The following EVA1C variants were observed in gnomAD, a reference collection of about 807,000 sequenced individuals.
The protein encoded by EVA1C is eva-1 homolog C.
EVA1C carries 25 observed loss-of-function variants against 45.4 expected under a neutral mutation model. That is an observed-to-expected ratio of 0.55 (90% CI 0.40 to 0.77). The LOEUF (loss-of-function observed/expected upper bound fraction) is 0.77. EVA1C is among the 30% of genes least tolerant of loss of function. The pLI, the probability that EVA1C is intolerant of heterozygous loss-of-function variation, is 0.00. For missense variants in EVA1C, 479 were observed against 554.8 expected (o/e 0.86, Z 1.37); for synonymous variants, 190 against 221.2 (o/e 0.86, Z 1.25).
chr21:32,487,954 G>C (rs2037028388), intron 4 of EVA1C, among the ~76,000 whole-genome samples: 2 of 152,154 alleles, frequency 1.3e-5, no homozygotes, highest in Non-Finnish European at 2.9e-5. Context: ...AGAGGCCCAG[G>C]CTTGCGATTG....
At chr21:32,510,607 C>A (rs772032396) in intron 7 of EVA1C, among the ~76,000 whole-genome samples, 1 of 152,162 alleles carries the variant, frequency 6.6e-6, no homozygotes, top group Non-Finnish European at 1.5e-5. Context: ...CTAGAAAAGG[C>A]GGGCAAGAGA....
At chr21:32,457,377 G>T (rs1211172850) in intron 2 of EVA1C, among the ~76,000 whole-genome samples, 1 of 152,220 alleles carries the variant, frequency 6.6e-6, no homozygotes, top group Non-Finnish European at 1.5e-5. Flanking sequence ...AGTTTTCCCA[G>T]GAGCCTGGCA....
chr21:32,460,725 T>G (rs2035965804), intron 3 of EVA1C, among the ~76,000 whole-genome samples: 1 of 151,770 alleles, frequency 6.6e-6, no homozygotes, highest in African/African-American at 2.4e-5. Flanking sequence ...GGAGAGGCAC[T>G]TGGTACTACG....
rs1029425402 is a variant in EVA1C at position 32,452,223 on chromosome 21, C to T, written c.161-1089C>T. On this transcript the variant is annotated intron_variant, in intron 1 of 7. Coordinates refer to ENST00000300255, the MANE Select transcript of EVA1C (RefSeq NM_058187.5). The surrounding 1 kb of genome is among the most constrained non-coding windows in gnomAD (Gnocchi z 4.0). ...AAAGGTGCTTCAGGACTCCTTGGCTCCTGGCCAATATCTTAGTGCTTCCTG... is the reference window on the plus strand; with the variant it reads ...AAAGGTGCTTCAGGACTCCTTGGCTTCTGGCCAATATCTTAGTGCTTCCTG... 1.3e-5 allele frequency: 2 copies of T among 152,216 alleles called. No homozygotes were observed. The highest frequency in any genetic ancestry group is 6.3e-3 in the Middle Eastern group (2 of 316). 9.4% of individuals were successfully genotyped at this position (152,216 alleles called of 1,614,324 possible).
chr21:32,430,975 A>AAAAAAAAAAAAAAAG, intron 1 of EVA1C, among the ~76,000 whole-genome samples: 1 of 151,584 alleles, frequency 6.6e-6, no homozygotes, highest in African/African-American at 2.4e-5. Flanking sequence ...TTGGTCTCAA[A>AAAAAAAAAAAAAAAG]AAAAAAAATT....
intron 4 of EVA1C, among the ~76,000 whole-genome samples, chr21:32,478,752 C>T (rs1410409395): frequency 6.6e-6 from 1 of 152,262 alleles, no homozygotes; most frequent in African/African-American, 2.4e-5. Flanking sequence ...AGAATGTGCC[C>T]CCTGTCTGGG....
intron 4 of EVA1C, among the ~76,000 whole-genome samples, chr21:32,481,406 T>TA (rs1348885322): frequency 6.6e-6 from 1 of 150,964 alleles, no homozygotes; most frequent in African/African-American, 2.4e-5. Flanking sequence ...AGAACCTTTT[T>TA]TTTTTTTTTT....
rs8132528 is a variant in EVA1C at position 32,501,619 on chromosome 21, C to T, written c.859+124C>T. ...CTGTCAGGAGGTGTGTTTGAGGTAC[C>T]GGTCCTGGTGATAATAGCGCTTATT... On this transcript the variant is annotated intron_variant, in intron 6 of 7. Transcript: ENST00000300255. The T allele has an allele frequency of 8.0e-3, 9,894 of 1,242,374 alleles. 326 individuals are homozygous for T. In the African/African-American group the frequency reaches 0.082, roughly 10 times the overall value. 77.0% of individuals were successfully genotyped at this position (1,242,374 alleles called of 1,614,324 possible). A position where few individuals can be genotyped will look rare whatever the true frequency, so the allele number is the denominator to read the frequency against.
chr21:32,485,160 C>T lies in EVA1C; in HGVS notation c.635-9867C>T, dbSNP rs982294680. ...TTCAGATGCTGCAACTGGTCTTGCA[C>T]ACCTGAAACTCACCTGATGTTGATC... On this transcript the variant is annotated intron_variant, in intron 4 of 7. Coordinates refer to ENST00000300255, the MANE Select transcript of EVA1C (RefSeq NM_058187.5). Among the ~76,000 whole-genome samples, 3 of 152,136 alleles carry T rather than the reference C, an allele frequency of 2.0e-5. No individual in the cohort carries two copies. In the South Asian group the frequency reaches 6.2e-4, roughly 31 times the overall value.
chr21:32,496,119 T>C (rs1049803242), intron 5 of EVA1C, among the ~76,000 whole-genome samples: 2 of 152,158 alleles, frequency 1.3e-5, no homozygotes, highest in Non-Finnish European at 2.9e-5. Context: ...AAAGAAACCC[T>C]GTATCCCTTA....
At chr21:32,469,304 G>A (rs750984713) in intron 4 of EVA1C, among the ~76,000 whole-genome samples, 3 of 152,218 alleles carry the variant, frequency 2.0e-5, no homozygotes, top group Non-Finnish European at 2.9e-5. Flanking sequence ...AGAAGGCCAG[G>A]GGTTCCTGCA....
intron 1 of EVA1C, among the ~76,000 whole-genome samples, chr21:32,423,070 C>CAAAAAAAAAAAAAAA (rs3056306): frequency 8.2e-5 from 7 of 85,594 alleles, no homozygotes; most frequent in African/African-American, 2.8e-4. Flanking sequence ...GACTCTGTCT[C>CAAAAAAAAAAAAAAA]AAAAAAAAAA....
intron 6 of EVA1C, 119 bp downstream of exon 6, chr21:32,501,614 G>C (rs2037533440): frequency 7.7e-7 from 1 of 1,303,236 alleles, no homozygotes; most frequent in South Asian, 1.5e-5. Context: ...GTGTGTTTGA[G>C]GTACCGGTCC....
chr21:32,482,784 C>T (rs1395718333), intron 4 of EVA1C, among the ~76,000 whole-genome samples: 1 of 152,106 alleles, frequency 6.6e-6, no homozygotes, highest in Non-Finnish European at 1.5e-5. Context: ...GAACTTCACC[C>T]TCTTGTGTTC....
intron 4 of EVA1C, among the ~76,000 whole-genome samples, chr21:32,487,708 A>T (rs954480170): frequency 1.4e-5 from 2 of 148,050 alleles, no homozygotes; most frequent in African/African-American, 4.9e-5. Context: ...GGACAGAGTG[A>T]GACTCCATCT....
chr21:32,494,937 C>T, intron 4 of EVA1C, 90 bp from the exon 5 acceptor site: 1 of 1,336,224 alleles, frequency 7.5e-7, no homozygotes, highest in Non-Finnish European at 1.0e-6. Flanking sequence ...GAATCCAGCT[C>T]AGCATATTTA....
At chr21:32,413,059 C>T (rs1200811106) in intron 1 of EVA1C, 46 bp downstream of exon 1, 7 of 1,315,940 alleles carry the variant, frequency 5.3e-6, no homozygotes, top group Non-Finnish European at 6.8e-6. Context: ...CCGCGGAGCG[C>T]CCAGGTGAAC....
Position 32,453,470 on chromosome 21 carries a change from G to C in EVA1C, c.319G>C (p.Glu107Gln). Residue 107 changes from glutamate to glutamine, a missense_variant, in exon 2 of 8, where the codon GAA (glutamate) becomes CAA (glutamine). Physicochemically the swap from Glu to Gln is conservative, Grantham distance 29. This residue lies in a region of EVA1C where 366 missense variants were observed against 426.1 expected (regional missense o/e 0.86). Transcript: ENST00000300255. The part of the protein sequence containing the change: ...CSSQKPASQR[E>Q]DSLTCVAATT... ...TTCCCAGAAGCCTGCCTCCCAGAGG[G>C]AAGACAGCTTAACCTGTGTGGCAGC... The C allele has an allele frequency of 6.2e-7, 1 of 1,610,974 alleles. No individual in the cohort carries two copies. The highest frequency in any genetic ancestry group is 2.2e-5 in the East Asian group (1 of 44,862).
chr21:32,467,317 G>A (rs1328483898), intron 3 of EVA1C, among the ~76,000 whole-genome samples: 3 of 152,114 alleles, frequency 2.0e-5, no homozygotes, highest in Non-Finnish European at 2.9e-5. Context: ...TGGATCTCAA[G>A]CCAACATTTG....
Sources: allele counts gnomAD v4.1 joint callset (sites outside exome capture counted in the v4.1 genomes callset), GRCh38; gene constraint gnomAD v4.1.1; regional missense constraint gnomAD v4.1.1; non-coding constraint Gnocchi (gnomAD v3.1); transcripts MANE v1.5; gene names NCBI Gene and HGNC (gene_info 2026-07-23, HGNC 2026-07-21).